The following UTRN variants were observed in gnomAD, a reference collection of about 807,000 sequenced individuals.
The protein encoded by UTRN is utrophin, also known as dystrophin-related protein 1.
A neutral mutation model predicts 463.9 loss-of-function variants in UTRN; 283 were observed. The observed-to-expected ratio is 0.61, with a 90% CI of 0.55 to 0.67. The LOEUF is 0.67. Among genes scored for constraint, UTRN ranks in the 30% least tolerant of loss-of-function variants. The probability of loss-of-function intolerance (pLI) is 0.00; values close to 1 mark genes in which losing one functional copy is unlikely to be tolerated. For synonymous variants in UTRN, 1,442 were observed against 1,431.5 expected, an observed-to-expected ratio of 1.01 and a Z score of -0.17; for missense variants, 3,922 against 4,084.3, an observed-to-expected ratio of 0.96 and a Z score of 1.08.
rs73596509 is a variant in UTRN at position 144,813,893 on chromosome 6, C to T, written c.9358-6989C>T. On this transcript the variant is annotated intron_variant, in intron 65 of 74. Coordinates refer to ENST00000367545, the MANE Select transcript of UTRN (RefSeq NM_007124.3). ...GCCTGCTGTGAGCTCTCAGACTGGA[C>T]CCATCAGGGCTTCCTTCTAGAAAGA... Among the ~76,000 whole-genome samples the T allele has an allele frequency of 1.3e-3, 201 of 152,262 alleles. 1 individual carries two copies. Among genetic ancestry groups the T allele is most frequent in the African/African-American group, 4.7e-3 (195 of 41,538 alleles).
chr6:144,292,193 G>A (rs769900864), intron 2 of UTRN, among the ~76,000 whole-genome samples: 5 of 152,078 alleles, frequency 3.3e-5, no homozygotes, highest in Non-Finnish European at 5.9e-5. Context: ...AAATACGACC[G>A]AACATTTCTC....
At position 144,618,249 on chromosome 6, in the gene UTRN, T is replaced by A. The variant is rs904739927; in HGVS notation, c.7479+40961T>A. On this transcript the variant is annotated intron_variant, in intron 51 of 74. Coordinates refer to ENST00000367545, the MANE Select transcript of UTRN (RefSeq NM_007124.3). Reference sequence around the variant, plus strand: ...GCTTTGGGATATCCACTGGAGGTTTTACCTCTCCTCTACAATGCCACACTA... The same window carrying A: ...GCTTTGGGATATCCACTGGAGGTTTAACCTCTCCTCTACAATGCCACACTA... 5.9e-5 allele frequency among the ~76,000 whole-genome samples: 9 copies of A among 152,322 alleles called. No individual in the cohort carries two copies. In the East Asian group the frequency reaches 1.5e-3, roughly 26 times the overall value.
intron 2 of UTRN, among the ~76,000 whole-genome samples, chr6:144,355,495 G>A (rs975976243): frequency 1.3e-5 from 2 of 151,956 alleles, no homozygotes; most frequent in Non-Finnish European, 2.9e-5. Flanking sequence ...CACCATGCCT[G>A]GCCCATTTTT....
chr6:144,351,512 G>A (rs561794514), intron 2 of UTRN, among the ~76,000 whole-genome samples: 1 of 152,312 alleles, frequency 6.6e-6, no homozygotes, highest in Admixed American at 6.5e-5. Context: ...CAGTTGTGTG[G>A]AGGATATCTT....
intron 4 of UTRN, among the ~76,000 whole-genome samples, chr6:144,422,344 C>T (rs1001904977): frequency 1.3e-5 from 2 of 152,150 alleles, no homozygotes; most frequent in African/African-American, 2.4e-5. Flanking sequence ...AGGCTGGGCG[C>T]GGTAGCTCAC....
At chr6:144,428,934 C>T in intron 8 of UTRN, 41 bp downstream of exon 8, 1 of 1,346,158 alleles carries the variant, frequency 7.4e-7, no homozygotes, top group East Asian at 2.4e-5. Flanking sequence ...TTTTGCTTTA[C>T]AGTTTTGCAT....
At chr6:144,781,788 A>T in intron 60 of UTRN, 134 bp from the exon 61 acceptor site, 1 of 600,600 alleles carries the variant, frequency 1.7e-6, no homozygotes, top group Non-Finnish European at 2.8e-6. Flanking sequence ...GCTGAAATTT[A>T]GCTAAAAAGG....
intron 2 of UTRN, among the ~76,000 whole-genome samples, chr6:144,356,361 A>T (rs1562286925): frequency 1.3e-5 from 2 of 152,166 alleles, no homozygotes; most frequent in South Asian, 4.1e-4. Flanking sequence ...AATGTCTAAA[A>T]TGTCCTAAAA....
At chr6:144,663,093 CA>C in intron 51 of UTRN, among the ~76,000 whole-genome samples, 1 of 152,214 alleles carries the variant, frequency 6.6e-6, no homozygotes, top group Admixed American at 6.5e-5. Context: ...GAGTCTCTTG[CA>C]GGCAGGAAGT....
At chr6:144,745,386 G>A (rs1010773226) in intron 54 of UTRN, among the ~76,000 whole-genome samples, 2 of 151,874 alleles carry the variant, frequency 1.3e-5, no homozygotes, top group African/African-American at 2.4e-5. Flanking sequence ...GTATTTCACA[G>A]ACTTCTAGAA....
chr6:144,442,436 T>C (rs1787269884), intron 13 of UTRN, among the ~76,000 whole-genome samples: 1 of 152,134 alleles, frequency 6.6e-6, no homozygotes, highest in Non-Finnish European at 1.5e-5. Context: ...AGCACCCCAC[T>C]CTACTGGTAC....
intron 53 of UTRN, among the ~76,000 whole-genome samples, chr6:144,706,522 GA>G (rs147249064): frequency 5.3e-5 from 8 of 150,764 alleles, no homozygotes; most frequent in Non-Finnish European, 8.9e-5. Flanking sequence ...ACTTTATTTT[GA>G]AAAAAAATCA....
intron 50 of UTRN, among the ~76,000 whole-genome samples, chr6:144,563,896 C>A (rs997552276): frequency 6.6e-6 from 1 of 152,106 alleles, no homozygotes; most frequent in African/African-American, 2.4e-5. Context: ...TTGTAAATAT[C>A]AAACTCAAGC....
At chr6:144,408,694 T>A (rs537377919) in intron 3 of UTRN, among the ~76,000 whole-genome samples, 2 of 152,350 alleles carry the variant, frequency 1.3e-5, no homozygotes, top group Middle Eastern at 3.4e-3. Context: ...TATGGAGAGC[T>A]ATTAAGATGT....
intron 51 of UTRN, among the ~76,000 whole-genome samples, chr6:144,628,522 T>C (rs892748912): frequency 7.2e-5 from 11 of 152,228 alleles, no homozygotes; most frequent in African/African-American, 2.4e-4. Context: ...CTGAGCTGTT[T>C]AAACTGTGTT....
chr6:144,796,267 G>C (rs956597746), intron 63 of UTRN, among the ~76,000 whole-genome samples: 1 of 151,910 alleles, frequency 6.6e-6, no homozygotes, highest in Non-Finnish European at 1.5e-5. Context: ...CTTTTATAAG[G>C]GCACTAACCT....
rs775244898 is a variant in UTRN at position 144,514,815 on chromosome 6, G to A, written c.5239G>A (p.Ala1747Thr). The A allele has an allele frequency of 2.7e-5, 44 of 1,611,852 alleles. No homozygotes were observed. The highest frequency in any genetic ancestry group is 3.3e-4 in the Middle Eastern group (2 of 6,052). Residue 1747 changes from alanine (A) to threonine (T), a missense_variant, in exon 37 of 75, where the codon GCC (alanine) becomes ACC (threonine). By Grantham distance (58) the Ala-to-Thr change is moderately conservative. Coordinates refer to ENST00000367545, the MANE Select transcript of UTRN (RefSeq NM_007124.3). ...AAAGGTGTCTCAACATATCAAAAGTGCCAAAGTGAGTAATTATGCTTTTAG... is the reference window on the plus strand; with the variant it reads ...AAAGGTGTCTCAACATATCAAAAGTACCAAAGTGAGTAATTATGCTTTTAG... ...FEKVSQHIKS[A>T]KLLIAQEPLY... is the part of the protein sequence containing the mutation.
intron 51 of UTRN, among the ~76,000 whole-genome samples, chr6:144,635,773 A>G (rs1317831790): frequency 6.7e-6 from 1 of 149,928 alleles, no homozygotes; most frequent in Non-Finnish European, 1.5e-5. Context: ...TCCTGACTTC[A>G]AGTGATCTGC....
intron 2 of UTRN, chr6:144,398,851 C>T (rs1283660534): frequency 6.6e-6 from 1 of 150,468 alleles, no homozygotes; most frequent in Non-Finnish European, 1.5e-5. Context: ...TAAAGCAAAA[C>T]ATATCGTTAA....
Sources: allele counts gnomAD v4.1 joint callset (sites outside exome capture counted in the v4.1 genomes callset), GRCh38; gene constraint gnomAD v4.1.1; transcripts MANE v1.5; gene names NCBI Gene and HGNC (gene_info 2026-07-23, HGNC 2026-07-21).